Variants in ASB15 observed in about 807,000 individuals in gnomAD.
ASB15 encodes ankyrin repeat and SOCS box containing 15.
ASB15 carries 54 observed loss-of-function variants against 58.0 expected under a neutral mutation model. The observed-to-expected ratio is 0.93, with a 90% CI of 0.75 to 1.17. ASB15 has a LOEUF of 1.17. Ranked by LOEUF, ASB15 falls within the 50% of genes most tolerant of loss-of-function variation. ASB15 has a pLI of 0.00. For synonymous variants in ASB15, 249 were observed against 262.4 expected (o/e 0.95, Z 0.50); for missense variants, 680 against 707.4 (o/e 0.96, Z 0.44).
intron 1 of ASB15, chr7:123,596,383 A>C (rs1343887195): frequency 6.6e-6 from 1 of 152,060 alleles, no homozygotes; most frequent in African/African-American, 2.4e-5. Flanking sequence ...GGGTGGGTAG[A>C]TTGCTCGAAC....
intron 1 of ASB15, among the ~76,000 whole-genome samples, 154 bp downstream of exon 1, chr7:123,602,068 C>A (rs1341931822): frequency 6.6e-6 from 1 of 152,048 alleles, no homozygotes; most frequent in Non-Finnish European, 1.5e-5. Context: ...TGTTTAGAGC[C>A]TTTTTAATTA....
At chr7:123,636,728 T>C (rs1427741881) in intron 11 of ASB15, 81 bp from the exon 12 acceptor site, 4 of 1,186,636 alleles carry the variant, frequency 3.4e-6, no homozygotes, top group Non-Finnish European at 4.8e-6. Flanking sequence ...ACACTACTCA[T>C]GTTATTCTGA....
chr7:123,574,879 A>G (rs995072518), intron 1 of ASB15, among the ~76,000 whole-genome samples: 1 of 151,970 alleles, frequency 6.6e-6, no homozygotes, highest in Non-Finnish European at 1.5e-5. Context: ...TCAGTCTTGA[A>G]GACTTTACTG....
intron 1 of ASB15, among the ~76,000 whole-genome samples, chr7:123,587,152 T>A (rs1443964647): frequency 6.6e-6 from 1 of 151,628 alleles, no homozygotes; most frequent in Non-Finnish European, 1.5e-5. Context: ...GTAGATCACT[T>A]TGTAGTGTGA....
At chr7:123,583,429 G>A (rs757769905) in intron 1 of ASB15, among the ~76,000 whole-genome samples, 1 of 151,898 alleles carries the variant, frequency 6.6e-6, no homozygotes, top group Non-Finnish European at 1.5e-5. Context: ...TTCTCTGACA[G>A]TGGGTAATAC....
intron 1 of ASB15, among the ~76,000 whole-genome samples, chr7:123,581,175 G>A (rs1263982094): frequency 6.6e-6 from 1 of 151,846 alleles, no homozygotes; most frequent in Non-Finnish European, 1.5e-5. Flanking sequence ...GAGCATGAAT[G>A]TTGCTCAGGG....
At chr7:123,581,232 G>A (rs1157982595) in intron 1 of ASB15, among the ~76,000 whole-genome samples, 1 of 151,806 alleles carries the variant, frequency 6.6e-6, no homozygotes, top group East Asian at 1.9e-4. Context: ...TAGTAGAAGG[G>A]TATGGGAGAT....
intron 1 of ASB15, among the ~76,000 whole-genome samples, chr7:123,574,851 C>T (rs1199213447): frequency 6.6e-6 from 1 of 151,984 alleles, no homozygotes; most frequent in Non-Finnish European, 1.5e-5. Flanking sequence ...CCAAAGTACT[C>T]TTTTTATTTT....
intron 1 of ASB15, among the ~76,000 whole-genome samples, chr7:123,576,079 T>C (rs1315895867): frequency 1.3e-5 from 2 of 151,316 alleles, no homozygotes; most frequent in African/African-American, 2.4e-5. Context: ...TATAAATATA[T>C]AGATATATAG....
At chr7:123,623,938 AG>A (rs1801553715) in intron 7 of ASB15, among the ~76,000 whole-genome samples, 1 of 17,426 alleles carries the variant, frequency 5.7e-5, no homozygotes, top group Non-Finnish European at 1.3e-4. Flanking sequence ...AAGAAAAGAA[AG>A]AAAGAAAGAA....
intron 1 of ASB15, among the ~76,000 whole-genome samples, chr7:123,584,222 G>A (rs892849420): frequency 1.3e-5 from 2 of 150,110 alleles, no homozygotes; most frequent in African/African-American, 4.9e-5. Flanking sequence ...AGTTCCAGGA[G>A]GATCACTGAA....
chr7:123,611,122 T>G (rs1376261480), intron 3 of ASB15, among the ~76,000 whole-genome samples: 1 of 151,634 alleles, frequency 6.6e-6, no homozygotes, highest in Non-Finnish European at 1.5e-5. Flanking sequence ...AAAATCAATT[T>G]TCTCTAGACT....
intron 2 of ASB15, among the ~76,000 whole-genome samples, chr7:123,605,482 C>T (rs1372636786): frequency 2.0e-5 from 3 of 152,254 alleles, no homozygotes; most frequent in Admixed American, 6.5e-5. Flanking sequence ...ATCCAGTAAT[C>T]GCATTTTTGG....
upstream of ASB15, chr7:123,599,043 T>C (rs1276857579): frequency 6.6e-6 from 1 of 152,234 alleles, no homozygotes; most frequent in African/African-American, 2.4e-5. Context: ...TATTCTTTTC[T>C]ACTGTTTTAT....
chr7:123,602,522 T>C (rs957940665), intron 1 of ASB15, among the ~76,000 whole-genome samples: 1 of 152,126 alleles, frequency 6.6e-6, no homozygotes, highest in African/African-American at 2.4e-5. Context: ...GAGCTTTCTA[T>C]ATCTAAAATG....
rs1802458353 is a variant in ASB15, at chr7:123,636,918, T to C, written c.1704T>C (p.Ala568=). The C allele has an allele frequency of 1.3e-6, 2 of 1,587,484 alleles. No individual in the cohort carries two copies. The highest frequency in any genetic ancestry group is 1.7e-6 in the Non-Finnish European group (2 of 1,156,082). The change falls in exon 12 of 12, where the codon GCT becomes GCC. Residue 568 remains alanine, a synonymous_variant. Coordinates refer to ENST00000451215, the MANE Select transcript of ASB15 (RefSeq NM_001290258.2). The part of the protein sequence containing the change: ...ASVEKLPLPP[A]IQRYILFKEY... ...TGGAGAAGCTTCCTCTACCACCAGC[T>C]ATTCAAAGATACATATTATTTAAAG...
chr7:123,599,424 T>C (rs1196072210), upstream of ASB15, among the ~76,000 whole-genome samples: 3 of 152,288 alleles, frequency 2.0e-5, no homozygotes, highest in African/African-American at 7.2e-5. Context: ...TAAGTGGCAT[T>C]GTAGAGGGTA....
chr7:123,595,209 C>A (rs924350407), intron 1 of ASB15, among the ~76,000 whole-genome samples: 2 of 152,222 alleles, frequency 1.3e-5, no homozygotes, highest in African/African-American at 4.8e-5. Flanking sequence ...TAGTCCCTAA[C>A]TTAAAGCCAT....
At chr7:123,615,341 A>G (rs1800733594) in intron 4 of ASB15, 1 of 152,196 alleles carries the variant, frequency 6.6e-6, no homozygotes, top group Non-Finnish European at 1.5e-5. Flanking sequence ...AAAATCTTGT[A>G]TTCTGGAATT....
Sources: gnomAD v4.1 joint callset for allele counts (sites outside exome capture counted in the v4.1 genomes callset) on GRCh38, gnomAD v4.1.1 for gene constraint, MANE v1.5 for transcripts, NCBI Gene and HGNC (gene_info 2026-07-23, HGNC 2026-07-21) for gene names.